The following GRK1 variants were observed in gnomAD, a reference collection of about 807,000 sequenced individuals.
GRK1 encodes rhodopsin kinase GRK1.
GRK1 carries 28 observed loss-of-function variants against 41.7 expected under a neutral mutation model. The ratio of observed to expected loss-of-function variants is 0.67; its 90% confidence interval spans 0.50 to 0.92. The LOEUF is 0.92. Ranked by LOEUF, GRK1 falls within the 40% of genes least tolerant of loss-of-function variation. The pLI is 0.00. For synonymous variants in GRK1, 327 were observed against 286.7 expected (o/e 1.14, Z -1.42); for missense variants, 703 against 671.2 (o/e 1.05, Z -0.52).
At chr13:113,665,063 T>TGCCAGGTGCAGCCCCC (rs1486580330), upstream of GRK1, among the ~76,000 whole-genome samples, 1 of 152,214 alleles carries the variant, frequency 6.6e-6, no homozygotes, top group Non-Finnish European at 1.5e-5. Context: ...CTGTAGACCC[T>TGCCAGGTGCAGCCCCC]GCCAGGTGCA....
the GRK1 span, among the ~76,000 whole-genome samples, chr13:113,658,721 C>A: frequency 6.6e-6 from 1 of 152,154 alleles, no homozygotes; most frequent in African/African-American, 2.4e-5. Flanking sequence ...CAGGGGTCCC[C>A]GGGGACTCCT....
At position 113,733,851 on chromosome 13, in the gene GRK1, A is replaced by ATC. The variant is rs1566700111; in HGVS notation, c.1396+767_1396+768insCT. 9.1e-3 allele frequency among the ~76,000 whole-genome samples: 666 copies of ATC among 73,348 alleles called. 17 individuals are homozygous for ATC. The highest frequency in any genetic ancestry group is 0.042 in the African/African-American group (616 of 14,710). 48.1% of individuals were successfully genotyped at this position (73,348 alleles called of 152,430 possible). ...TGTGTGCACGTGCGTGTGCATGTGT[A>ATC]TGTGTGCATACGTGTGTGCGTGTGT... is the stretch of plus-strand genomic sequence containing the variant. On this transcript the variant is annotated intron_variant, in intron 6 of 6. Coordinates refer to ENST00000335678, the MANE Select transcript of GRK1 (RefSeq NM_002929.3).
At position 113,735,180 on chromosome 13, in the gene GRK1, A is replaced by G. The variant is rs778239009; in HGVS notation, c.1509A>G (p.Thr503=). ...GTGTGGCCTTTGACAAAACAGACAC[A>G]GAATTCTTTCAGGAATTTGCCACTG... ...VKGVAFDKTD[T]EFFQEFATGN... The change falls in exon 7 of 7, where the codon ACA becomes ACG. Residue 503 remains threonine (T), a synonymous_variant. Coordinates refer to ENST00000335678, the MANE Select transcript of GRK1 (RefSeq NM_002929.3). 1.4e-5 allele frequency: 21 copies of G among 1,537,114 alleles called. No individual in the cohort carries two copies. Among genetic ancestry groups the G allele is most frequent in the African/African-American group, 2.7e-5 (2 of 73,056 alleles).
In GRK1 at chr13:113,730,465, C is replaced by T. The variant is rs149019462; in HGVS notation, c.1070-754C>T. Among the ~76,000 whole-genome samples, 358 of 151,442 alleles carry T rather than the reference C, an allele frequency of 2.4e-3. 5 individuals carry two copies. Among genetic ancestry groups the T allele is most frequent in the African/African-American group, 8.3e-3 (343 of 41,230 alleles). On this transcript the variant is annotated intron_variant, in intron 4 of 6. Transcript: ENST00000335678. The stretch of plus-strand genomic sequence containing the variant: ...TCATCCCATCCTGAGGCAGTCTCCG[C>T]GGCTGCACCCAGAGCCGTCCCTCCA...
At chr13:113,734,017 T>A in intron 6 of GRK1, among the ~76,000 whole-genome samples, 1 of 142,928 alleles carries the variant, frequency 7.0e-6, no homozygotes, top group Admixed American at 6.8e-5. Context: ...TGCGTGCATG[T>A]GTGTGCGTGC....
the GRK1 span, among the ~76,000 whole-genome samples, chr13:113,654,638 C>T: frequency 1.3e-5 from 2 of 152,232 alleles, no homozygotes; most frequent in African/African-American, 4.8e-5. Context: ...GGTTCAGGGG[C>T]CAGGGGCTGC....
Position 113,672,135 on chromosome 13 carries a change from G to C in GRK1, c.985+479G>C, listed in dbSNP as rs2049861500. The stretch of plus-strand genomic sequence containing the variant: ...ACCCTGCGCCCTCCACCGTCAGCCA[G>C]GGAGCCACTGTCAGTGTGCGTGGTG... On this transcript the variant is annotated intron_variant, in intron 3 of 6. Coordinates refer to ENST00000335678, the MANE Select transcript of GRK1 (RefSeq NM_002929.3). Among the ~76,000 whole-genome samples, 3 of 152,220 alleles carry C rather than the reference G, an allele frequency of 2.0e-5. No individual in the cohort carries two copies. The South Asian group carries it at 6.2e-4, about 32-fold the overall frequency.
the GRK1 span, chr13:113,651,726 A>C: frequency 1.2e-6 from 2 of 1,613,728 alleles, no homozygotes; most frequent in African/African-American, 2.7e-5. Flanking sequence ...GAACTTGACG[A>C]TCTAGAAGGG....
At position 113,668,041 on chromosome 13, in the gene GRK1, A is replaced by C. The variant is rs777585358; in HGVS notation, c.655A>C (p.Lys219Gln). 9 of 1,611,234 alleles carry C rather than the reference A, an allele frequency of 5.6e-6. No individual in the cohort carries two copies. Among genetic ancestry groups the C allele is most frequent in the Non-Finnish European group, 7.6e-6 (9 of 1,178,920 alleles). ...GGCGACCGGCAAGCTGTATGCCTGC[A>C]AGAAGCTGAACAAGAAGCGGCTGAA... The part of the protein sequence containing the change: ...MKATGKLYAC[K>Q]KLNKKRLKKR... The change falls in exon 1 of 7, where the codon AAG becomes CAG. Residue 219 changes from lysine (K) to glutamine (Q), a missense_variant. Physicochemically the swap from Lys to Gln is moderately conservative, Grantham distance 53 (BLOSUM62 1). Transcript: ENST00000335678.
intron 4 of GRK1, chr13:113,726,465 G>A (rs1229191849): frequency 6.5e-6 from 1 of 153,424 alleles, no homozygotes; most frequent in Non-Finnish European, 1.4e-5. Flanking sequence ...ATCCAGGGGC[G>A]TGCACAGGGC....
In GRK1 at chr13:113,671,705, G is replaced by A; in HGVS notation, c.985+49G>A. 1 of 706,036 alleles carries A rather than the reference G, an allele frequency of 1.4e-6. No homozygotes were observed. The highest frequency in any genetic ancestry group is 2.6e-6 in the Non-Finnish European group (1 of 387,702). 43.7% of individuals were successfully genotyped at this position (706,036 alleles called of 1,614,324 possible). A position where few individuals can be genotyped will look rare whatever the true frequency, so the allele number is the denominator to read the frequency against. ...GGGATGAGGGCTACGAGGAGGGCGGGGCGCAGCTTCCTTGGGGGTCTCTGC... is the reference window on the plus strand; with the variant it reads ...GGGATGAGGGCTACGAGGAGGGCGGAGCGCAGCTTCCTTGGGGGTCTCTGC... On this transcript the variant is annotated intron_variant, in intron 3 of 6. Transcript: ENST00000335678. This position sits in a 1 kb window ranked among gnomAD's most constrained non-coding sequence, Gnocchi z 4.1.
chr13:113,734,986 A>G, intron 6 of GRK1, 82 bp from the exon 7 acceptor site: 1 of 1,344,822 alleles, frequency 7.4e-7, no homozygotes. Context: ...TCTGGGAGCC[A>G]TGGGGGAGGG....
At chr13:113,650,806 C>G in the GRK1 span, among the ~76,000 whole-genome samples, 66 of 152,132 alleles carry the variant, frequency 4.3e-4, no homozygotes, top group Non-Finnish European at 7.8e-4. The surrounding 1 kb of genome is among the most constrained non-coding windows in gnomAD (Gnocchi z 5.0). Context: ...TGTCTGTACT[C>G]GAGGGTAGCC....
chr13:113,653,449 C>A, the GRK1 span: 2 of 1,606,228 alleles, frequency 1.2e-6, no homozygotes, highest in Non-Finnish European at 1.7e-6. Flanking sequence ...AGAGAGAGAC[C>A]TTTGTGCTTA....
intron 1 of GRK1, among the ~76,000 whole-genome samples, chr13:113,668,399 G>A (rs1392182315): frequency 6.6e-6 from 1 of 152,174 alleles, no homozygotes; most frequent in Non-Finnish European, 1.5e-5. Context: ...CCTCTCAGGG[G>A]AGGCTGAAGA....
At chr13:113,656,897 C>A in the GRK1 span, among the ~76,000 whole-genome samples, 1 of 152,124 alleles carries the variant, frequency 6.6e-6, no homozygotes, top group African/African-American at 2.4e-5. Context: ...CCCAGCCCAG[C>A]CCCCGCCCTC....
chr13:113,669,054 C>T (rs1027461385), intron 1 of GRK1, among the ~76,000 whole-genome samples: 2 of 152,238 alleles, frequency 1.3e-5, no homozygotes, highest in African/African-American at 4.8e-5. Flanking sequence ...CCGTGCCATT[C>T]ACATCTAACT....
the GRK1 span, chr13:113,655,038 C>A: frequency 6.7e-7 from 1 of 1,494,682 alleles, no homozygotes; most frequent in Non-Finnish European, 9.1e-7. Context: ...GCGTGACCAT[C>A]TTCCCTACCT....
intron 4 of GRK1, among the ~76,000 whole-genome samples, chr13:113,730,506 C>T (rs574781053): frequency 2.1e-4 from 32 of 150,882 alleles, no homozygotes; most frequent in African/African-American, 6.7e-4. Context: ...AGACAGTCCC[C>T]GGGGCTGAGC....
Sources: gnomAD v4.1 joint callset for allele counts (sites outside exome capture counted in the v4.1 genomes callset) on GRCh38, gnomAD v4.1.1 for gene constraint, Gnocchi (gnomAD v3.1) non-coding constraint, MANE v1.5 for transcripts, NCBI Gene and HGNC (gene_info 2026-07-23, HGNC 2026-07-21) for gene names.